TNK2: variants seen among roughly 807,000 people sequenced by gnomAD.
TNK2 encodes tyrosine kinase non receptor 2.
In TNK2, 83 loss-of-function variants were observed where a neutral mutation model predicts 101.8. The observed-to-expected ratio is 0.82, with a 90% CI of 0.68 to 0.98. The LOEUF is 0.98. Among genes scored for constraint, TNK2 ranks in the 50% least tolerant of loss-of-function variants. The pLI, the probability that TNK2 is intolerant of heterozygous loss-of-function variation, is 0.00. For missense variants in TNK2, 1,665 were observed against 1,483.2 expected (o/e 1.12, Z -2.01); for synonymous variants, 804 against 633.0 (o/e 1.27, Z -4.06).
At chr3:195,899,956 C>T (rs573097454) in intron 1 of TNK2, among the ~76,000 whole-genome samples, 12 of 152,250 alleles carry the variant, frequency 7.9e-5, no homozygotes, top group African/African-American at 2.9e-4. Context: ...CTCCCAGCCC[C>T]GGCTTTGCCT....
Position 195,869,304 on chromosome 3 carries a change from CAGA to C in TNK2, c.1588+190_1588+192del, listed in dbSNP as rs1743166557. On this transcript the variant is annotated intron_variant, in intron 12 of 15. Coordinates refer to ENST00000672887, the MANE Select transcript of TNK2 (RefSeq NM_001382273.1). ...CGGAAGCCAGGGCCACACTCGTGAG[CAGA>C]AGCCCAGGCTCCGGGGGGCGGGCTC... The C allele has an allele frequency of 1.4e-5, 9 of 648,156 alleles. No homozygotes were observed. The Admixed American group carries it at 2.2e-4, about 16-fold the overall frequency. The allele number at this position is 648,156 out of a possible 1,614,324, so 40.2% of individuals were successfully genotyped here.
At chr3:195,873,811 G>A (rs1363677564) in intron 9 of TNK2, among the ~76,000 whole-genome samples, 1 of 152,090 alleles carries the variant, frequency 6.6e-6, no homozygotes, top group Non-Finnish European at 1.5e-5. Context: ...GAGCACCACG[G>A]TCGGCGGGGA....
chr3:195,884,369 G>A (rs4927788), intron 4 of TNK2: 33,949 of 155,156 alleles, frequency 0.22, 3,940 homozygotes, highest in Middle Eastern at 0.3. Context: ...TGGGCTGGAC[G>A]TGGTGGCTCA....
chr3:195,895,317 C>T (rs1392111523), intron 1 of TNK2: 1 of 1,578,484 alleles, frequency 6.3e-7, no homozygotes, highest in Non-Finnish European at 8.6e-7. Context: ...CAAATCCCAG[C>T]GGCTGCGGTC....
intron 1 of TNK2, chr3:195,892,301 C>A (rs890240269): frequency 3.5e-6 from 4 of 1,128,682 alleles, no homozygotes; most frequent in Non-Finnish European, 4.9e-6. Flanking sequence ...CAAGCCCTCA[C>A]TGGCGGGGTC....
intron 9 of TNK2, among the ~76,000 whole-genome samples, chr3:195,874,087 G>A (rs1291599702): frequency 6.6e-6 from 1 of 152,202 alleles, no homozygotes; most frequent in Non-Finnish European, 1.5e-5. Flanking sequence ...AGGAACCCCG[G>A]CACCGGCTGG....
rs1021134839 is a variant in TNK2, at chr3:195,886,296, T to C, written c.234+681A>G. ...CCCAAGAGACAGCCCCTTTGCCGGA[T>C]TGCAGCCAGGAAAATCTCTGCTGCC... On this transcript the variant is annotated intron_variant, in intron 3 of 15. Coordinates refer to ENST00000672887, the MANE Select transcript of TNK2 (RefSeq NM_001382273.1). This position sits in a 1 kb window ranked among gnomAD's most constrained non-coding sequence, Gnocchi z 4.2. 7.9e-5 allele frequency: 12 copies of C among 152,476 alleles called. No individual in the cohort carries two copies. Among genetic ancestry groups the C allele is most frequent in the African/African-American group, 1.2e-4 (5 of 41,448 alleles). 9.4% of individuals were successfully genotyped at this position (152,476 alleles called of 1,614,324 possible). A position where few individuals can be genotyped will look rare whatever the true frequency, so the allele number is the denominator to read the frequency against.
chr3:195,895,433 G>A (rs989085018), intron 1 of TNK2: 4 of 1,479,194 alleles, frequency 2.7e-6, no homozygotes, highest in African/African-American at 1.5e-5. Flanking sequence ...GAAGTGCAGG[G>A]CCGCTACTGC....
At chr3:195,895,909 G>T (rs9833567) in intron 1 of TNK2, 30,117 of 154,826 alleles carry the variant, frequency 0.19, 3,373 homozygotes, top group South Asian at 0.38. Flanking sequence ...CCCGCAGCTC[G>T]GCCCTGCGCT....
chr3:195,865,498 G>A (rs955550177), intron 15 of TNK2, among the ~76,000 whole-genome samples: 1 of 147,408 alleles, frequency 6.8e-6, no homozygotes, highest in African/African-American at 2.5e-5. Context: ...AAATCAGTAA[G>A]AACCACCCGA....
intron 9 of TNK2, 135 bp from the exon 10 acceptor site, chr3:195,872,605 G>T: frequency 2.2e-6 from 2 of 921,048 alleles, no homozygotes; most frequent in Non-Finnish European, 1.6e-6. Flanking sequence ...TGTGCCACCG[G>T]CCCTCCTCCC....
At position 195,867,231 on chromosome 3, in the gene TNK2, C is replaced by G. The variant is rs1302610316; in HGVS notation, c.2971G>C (p.Glu991Gln). 1 of 1,613,010 alleles carries G rather than the reference C, an allele frequency of 6.2e-7. No homozygotes were observed. The highest frequency in any genetic ancestry group is 1.7e-5 in the Admixed American group (1 of 60,022). The stretch of plus-strand genomic sequence containing the variant: ...TGGCACTGCAGGGCCGCCTGGCACT[C>G]CTCTGTGGTCACCCCATGCACCATG... ...QAMVHGVTTE[E>Q]CQAALQCHGW... Residue 991 changes from glutamate (E) to glutamine (Q), a missense_variant, in exon 14 of 16, where the codon GAG becomes CAG. Physicochemically the swap from Glu to Gln is conservative, Grantham distance 29 (BLOSUM62 2). Around this residue, in one of 3 missense-constraint regions of TNK2, gnomAD observed 1,136 missense variants for 894.9 expected, o/e 1.27. Transcript: ENST00000672887.
At chr3:195,873,851 G>C (rs1341078999) in intron 9 of TNK2, among the ~76,000 whole-genome samples, 1 of 152,172 alleles carries the variant, frequency 6.6e-6, no homozygotes, top group Non-Finnish European at 1.5e-5. Context: ...GGGGAGACGG[G>C]GCTGTGCTCC....
At chr3:195,897,818 A>C (rs902415558) in intron 1 of TNK2, among the ~76,000 whole-genome samples, 2,156 of 93,062 alleles carry the variant, frequency 0.023, no homozygotes, top group Admixed American at 0.026. Context: ...TCACCCCCCC[A>C]CCCCCCCCCC....
chr3:195,867,493 C>T lies in TNK2; in HGVS notation c.2805G>A (p.Lys935=), dbSNP rs770833433. The change falls in exon 13 of 16, where the codon AAG becomes AAA. Residue 935 remains lysine, a synonymous_variant. Transcript: ENST00000672887. The part of the protein sequence containing the change: ...RPMPQAALDP[K]ANFSTNNSNP... ...TGCTGTTGTTGGTGGAGAAGTTGGC[C>T]TTGGGGTCCAAGGCAGCCTGGGGCA... is the stretch of plus-strand genomic sequence containing the variant. 6.4e-7 allele frequency: 1 copy of T among 1,569,396 alleles called. No homozygotes were observed. The highest frequency in any genetic ancestry group is 1.4e-5 in the African/African-American group (1 of 73,890).
At chr3:195,896,457 T>C (rs1478356583) in intron 1 of TNK2, among the ~76,000 whole-genome samples, 2 of 151,974 alleles carry the variant, frequency 1.3e-5, no homozygotes, top group Non-Finnish European at 2.9e-5. Flanking sequence ...GGTAGGTGGA[T>C]GACTGCCGGC....
chr3:195,870,908 G>A (rs999296509), intron 10 of TNK2, among the ~76,000 whole-genome samples: 6 of 147,960 alleles, frequency 4.1e-5, no homozygotes, highest in South Asian at 2.1e-4. Context: ...GTGTGGGCCC[G>A]CTGTGTGGGT....
intron 1 of TNK2, chr3:195,895,124 G>C: frequency 1.1e-6 from 1 of 918,002 alleles, no homozygotes; most frequent in Non-Finnish European, 1.5e-6. Context: ...TCTGTCCCCT[G>C]GCCCAGGAGC....
intron 1 of TNK2, among the ~76,000 whole-genome samples, chr3:195,904,315 A>G (rs551162559): frequency 6.5e-4 from 99 of 152,264 alleles, no homozygotes; most frequent in African/African-American, 2.1e-3. Flanking sequence ...ATAAACAAAA[A>G]GTGGTATATT....
Sources: gnomAD v4.1 joint callset for allele counts (sites outside exome capture counted in the v4.1 genomes callset) on GRCh38, gnomAD v4.1.1 for gene constraint, gnomAD v4.1.1 regional missense constraint, Gnocchi (gnomAD v3.1) non-coding constraint, MANE v1.5 for transcripts, NCBI Gene and HGNC (gene_info 2026-07-23, HGNC 2026-07-21) for gene names.